GRIA4: variants seen among roughly 807,000 people sequenced by gnomAD.
GRIA4 encodes glutamate ionotropic receptor AMPA type subunit 4.
Under a neutral mutation model 104.0 loss-of-function variants are expected in GRIA4, and 34 were observed. The observed-to-expected ratio is 0.33, with a 90% CI of 0.25 to 0.44. The LOEUF is 0.44. Ranked by LOEUF, GRIA4 falls within the 20% of genes least tolerant of loss-of-function variation. The pLI is 1.00. For missense variants in GRIA4, 750 were observed against 1,096.5 expected (o/e 0.68, Z 4.46); for synonymous variants, 386 against 381.9 (o/e 1.01, Z -0.13).
intron 3 of GRIA4, among the ~76,000 whole-genome samples, chr11:105,684,178 G>A (rs1952798376): frequency 6.6e-6 from 1 of 151,966 alleles, no homozygotes. Flanking sequence ...CGGGCCAAAT[G>A]CATATTCTTA....
intron 3 of GRIA4, among the ~76,000 whole-genome samples, chr11:105,741,091 G>A (rs1314748166): frequency 2.0e-5 from 3 of 152,174 alleles, no homozygotes; most frequent in Admixed American, 2.0e-4. Flanking sequence ...GACAAAGGGA[G>A]TGAATGGATT....
intron 5 of GRIA4, among the ~76,000 whole-genome samples, chr11:105,875,780 C>G (rs772519967): frequency 2.0e-5 from 3 of 151,236 alleles, no homozygotes; most frequent in Non-Finnish European, 3.0e-5. Flanking sequence ...TATTTTTTAC[C>G]GTGTCTATTT....
chr11:105,622,189 T>C (rs1950765273), intron 3 of GRIA4, among the ~76,000 whole-genome samples: 1 of 151,932 alleles, frequency 6.6e-6, no homozygotes, highest in Admixed American at 6.6e-5. Context: ...ATTTTCTTTA[T>C]GGCTTCAGGG....
chr11:105,973,544 T>C (rs1858809217), intron 15 of GRIA4, among the ~76,000 whole-genome samples: 1 of 152,048 alleles, frequency 6.6e-6, no homozygotes, highest in Non-Finnish European at 1.5e-5. Flanking sequence ...ATTGTATTTT[T>C]AATTAATAAA....
chr11:105,926,134 A>G (rs1000124002), intron 12 of GRIA4, among the ~76,000 whole-genome samples: 1 of 152,032 alleles, frequency 6.6e-6, no homozygotes, highest in Admixed American at 6.6e-5. Flanking sequence ...AACTATGGTC[A>G]CTTCGAGACC....
intron 4 of GRIA4, among the ~76,000 whole-genome samples, chr11:105,765,927 T>C (rs559003146): frequency 6.6e-6 from 1 of 152,314 alleles, no homozygotes; most frequent in Admixed American, 6.5e-5. Context: ...ATGAGGTTTG[T>C]GTTTCATTAC....
chr11:105,883,798 G>A (rs1006007506), intron 5 of GRIA4, among the ~76,000 whole-genome samples: 1 of 152,120 alleles, frequency 6.6e-6, no homozygotes, highest in Non-Finnish European at 1.5e-5. Flanking sequence ...ACCCCGTAAT[G>A]GGATGGCTGG....
intron 3 of GRIA4, among the ~76,000 whole-genome samples, chr11:105,652,329 T>G (rs1951707204): frequency 6.6e-6 from 1 of 151,254 alleles, no homozygotes; most frequent in South Asian, 2.1e-4. Flanking sequence ...AATGAGAAAA[T>G]GGAAAGAAGC....
At chr11:105,700,308 C>A (rs1250645276) in intron 3 of GRIA4, among the ~76,000 whole-genome samples, 2 of 152,166 alleles carry the variant, frequency 1.3e-5, no homozygotes, top group African/African-American at 4.8e-5. Context: ...GAACATATTT[C>A]CAGAATCCTA....
chr11:105,624,064 G>T (rs917386298), intron 3 of GRIA4, among the ~76,000 whole-genome samples: 4 of 151,970 alleles, frequency 2.6e-5, no homozygotes, highest in African/African-American at 7.2e-5. Flanking sequence ...AAGACAATGG[G>T]ATAGTAGATC....
intron 3 of GRIA4, among the ~76,000 whole-genome samples, chr11:105,699,698 C>T (rs1007503427): frequency 6.6e-6 from 1 of 152,062 alleles, no homozygotes; most frequent in Non-Finnish European, 1.5e-5. Context: ...GCTTGGAACA[C>T]TTATCCCATG....
chr11:105,758,052 T>C lies in GRIA4; in HGVS notation c.487+4832T>C, dbSNP rs939758240. Among the ~76,000 whole-genome samples the C allele has an allele frequency of 7.9e-5, 12 of 152,242 alleles. No homozygotes were observed. In the South Asian group the frequency reaches 2.5e-3, roughly 32 times the overall value. On this transcript the variant is annotated intron_variant, in intron 4 of 16. Coordinates refer to ENST00000282499, the MANE Select transcript of GRIA4 (RefSeq NM_000829.4). The stretch of plus-strand genomic sequence containing the variant: ...CAAGGCCAGCAGTTTAGGACTAACC[T>C]GGACATCATAGCAAGACCCTGTCTC...
At chr11:105,715,883 T>C (rs1180829069) in intron 3 of GRIA4, among the ~76,000 whole-genome samples, 1 of 152,116 alleles carries the variant, frequency 6.6e-6, no homozygotes, top group Non-Finnish European at 1.5e-5. Flanking sequence ...ACACTGTAGG[T>C]GAAATGTGTC....
chr11:105,761,195 A>C (rs764150783), intron 4 of GRIA4, among the ~76,000 whole-genome samples: 20 of 152,210 alleles, frequency 1.3e-4, no homozygotes, highest in Admixed American at 6.5e-4. Context: ...GGGAAATTGA[A>C]CCATTTTTAG....
intron 3 of GRIA4, among the ~76,000 whole-genome samples, chr11:105,656,895 A>G (rs554925639): frequency 9.4e-4 from 143 of 152,204 alleles, no homozygotes; most frequent in Middle Eastern, 3.4e-3. Flanking sequence ...GTCTATCAGA[A>G]AATATGTACT....
At chr11:105,974,482 C>G (rs771602872) in intron 16 of GRIA4, 38 bp downstream of exon 16, 2 of 1,613,500 alleles carry the variant, frequency 1.2e-6, no homozygotes, top group Admixed American at 1.7e-5. Context: ...CCAACTTCCT[C>G]GCAGAATACC....
At chr11:105,806,238 A>T (rs1942948152) in intron 4 of GRIA4, among the ~76,000 whole-genome samples, 3 of 151,932 alleles carry the variant, frequency 2.0e-5, no homozygotes, top group Non-Finnish European at 4.4e-5. Context: ...ATATCCCCAC[A>T]TAATGGGAAT....
chr11:105,926,777 G>A lies in GRIA4; in HGVS notation c.1884G>A (p.Trp628Ter), dbSNP rs1228002372. 1 of 1,610,558 alleles carries A rather than the reference G, an allele frequency of 6.2e-7. No homozygotes were observed. The highest frequency in any genetic ancestry group is 1.3e-5 in the African/African-American group (1 of 74,934). ...LSGRIVGGVW[W>*]FFTLIIISSY... ...GTCGAATTGTTGGAGGTGTTTGGTG[G>A]TTCTTTACACTCATCATTATATCAT... is the stretch of plus-strand genomic sequence containing the variant. Residue 628 changes from tryptophan (W) to a stop codon, truncating the protein, a stop_gained, in exon 13 of 17, where the codon TGG (tryptophan) becomes TGA (stop). Transcript: ENST00000282499. LOFTEE classifies it high-confidence loss of function.
intron 14 of GRIA4, among the ~76,000 whole-genome samples, chr11:105,934,209 A>G (rs1194292497): frequency 6.6e-6 from 1 of 152,132 alleles, no homozygotes; most frequent in Non-Finnish European, 1.5e-5. Context: ...GTTGAACACT[A>G]GCTGCTTCCA....
Sources: allele counts gnomAD v4.1 joint callset (sites outside exome capture counted in the v4.1 genomes callset), GRCh38; gene constraint gnomAD v4.1.1; transcripts MANE v1.5; gene names NCBI Gene and HGNC (gene_info 2026-07-23, HGNC 2026-07-21).